Variants in GLG1 observed in about 807,000 individuals in gnomAD.
The protein encoded by GLG1 is golgi glycoprotein 1.
In GLG1, 38 loss-of-function variants were observed where a neutral mutation model predicts 160.5. The ratio of observed to expected loss-of-function variants is 0.24; its 90% CI spans 0.18 to 0.31. GLG1 has a LOEUF of 0.31. Among genes scored for constraint, GLG1 ranks in the 10% least tolerant of loss-of-function variants. GLG1 has a pLI of 1.00. For synonymous variants in GLG1, 644 were observed against 543.4 expected (o/e 1.19, Z -2.57); for missense variants, 1,373 against 1,505.2 (o/e 0.91, Z 1.45).
chr16:74,588,405 T>C (rs978233905), intron 1 of GLG1, among the ~76,000 whole-genome samples: 64 of 152,180 alleles, frequency 4.2e-4, no homozygotes, highest in African/African-American at 1.4e-3. Context: ...ATTTAAGCTT[T>C]TTGGATTTGA....
chr16:74,464,192 TA>T (rs1460232125), intron 19 of GLG1, among the ~76,000 whole-genome samples: 2 of 152,194 alleles, frequency 1.3e-5, no homozygotes, highest in African/African-American at 4.8e-5. Flanking sequence ...AGGGTGATGT[TA>T]AGTTTAATGG....
At chr16:74,521,502 G>A (rs1019574162) in intron 2 of GLG1, among the ~76,000 whole-genome samples, 35 of 152,126 alleles carry the variant, frequency 2.3e-4, no homozygotes, top group Non-Finnish European at 1.0e-4. Flanking sequence ...CTAATGGATT[G>A]AATGTGAAGT....
At chr16:74,498,429 G>A (rs2016277062) in intron 4 of GLG1, among the ~76,000 whole-genome samples, 2 of 4,030 alleles carry the variant, frequency 5.0e-4, no homozygotes, top group Admixed American at 6.8e-3. Flanking sequence ...GCAAGGCTCT[G>A]TCTCAAAAAA....
chr16:74,582,329 G>C (rs1440326855), intron 1 of GLG1, among the ~76,000 whole-genome samples: 1 of 151,946 alleles, frequency 6.6e-6, no homozygotes, highest in Non-Finnish European at 1.5e-5. Flanking sequence ...ACCATGCCCA[G>C]CTAATTTTGT....
chr16:74,560,326 C>CT (rs66983409), intron 1 of GLG1, among the ~76,000 whole-genome samples: 64,410 of 118,382 alleles, frequency 0.54, 19,115 homozygotes, highest in East Asian at 0.8. Context: ...CAGTTTTTGT[C>CT]TTTTTTTTTT....
intron 10 of GLG1, among the ~76,000 whole-genome samples, chr16:74,482,466 G>T (rs2015637166): frequency 6.6e-6 from 1 of 152,116 alleles, no homozygotes. Flanking sequence ...GACAGCCAAT[G>T]AACTCAGTGA....
chr16:74,481,543 T>C (rs898418873), intron 10 of GLG1, among the ~76,000 whole-genome samples: 4 of 152,144 alleles, frequency 2.6e-5, no homozygotes, highest in Non-Finnish European at 4.4e-5. Context: ...CAGTAGACTA[T>C]TTAGGTTGAG....
At chr16:74,546,856 A>AAAAAAAG (rs59909472) in intron 1 of GLG1, among the ~76,000 whole-genome samples, 1 of 147,466 alleles carries the variant, frequency 6.8e-6, no homozygotes, top group African/African-American at 2.5e-5. Context: ...AAAAAAAAAA[A>AAAAAAAG]GGATCCCTGA....
At chr16:74,508,586 G>C (rs1864874162) in intron 3 of GLG1, among the ~76,000 whole-genome samples, 1 of 152,102 alleles carries the variant, frequency 6.6e-6, no homozygotes. Context: ...TGATACCTCA[G>C]CACTTTTACT....
chr16:74,489,781 A>C (rs1246691019), intron 8 of GLG1, among the ~76,000 whole-genome samples: 1 of 152,206 alleles, frequency 6.6e-6, no homozygotes, highest in Non-Finnish European at 1.5e-5. Flanking sequence ...GCACACACAC[A>C]CACAGACACA....
chr16:74,456,238 C>T (rs1225506570), intron 25 of GLG1, among the ~76,000 whole-genome samples: 3 of 152,208 alleles, frequency 2.0e-5, no homozygotes, highest in Non-Finnish European at 2.9e-5. Flanking sequence ...GAAAGGAGGG[C>T]CCTGGCAAAG....
intron 24 of GLG1, among the ~76,000 whole-genome samples, chr16:74,457,037 A>C (rs2014575484): frequency 6.6e-6 from 1 of 152,214 alleles, no homozygotes; most frequent in Non-Finnish European, 1.5e-5. Context: ...AAGCTGAGGC[A>C]GGAGGATCCC....
intron 1 of GLG1, among the ~76,000 whole-genome samples, chr16:74,578,502 C>T (rs1957865309): frequency 6.6e-6 from 1 of 152,156 alleles, no homozygotes. Flanking sequence ...ACAGCTTACA[C>T]ATTCTATTTA....
At chr16:74,493,838 G>A (rs887592064) in intron 6 of GLG1, among the ~76,000 whole-genome samples, 1 of 152,106 alleles carries the variant, frequency 6.6e-6, no homozygotes, top group Non-Finnish European at 1.5e-5. Flanking sequence ...GCTGGCCTTA[G>A]TGTGGTTTTA....
chr16:74,588,501 C>A (rs60422797), intron 1 of GLG1, among the ~76,000 whole-genome samples: 2 of 152,016 alleles, frequency 1.3e-5, no homozygotes, highest in African/African-American at 4.8e-5. Flanking sequence ...GCCACTGCAG[C>A]CTCGACTTCC....
intron 1 of GLG1, among the ~76,000 whole-genome samples, chr16:74,575,032 A>C (rs550386613): frequency 1.2e-5 from 1 of 83,104 alleles, no homozygotes; most frequent in South Asian, 5.2e-4. Context: ...GCGGATCACG[A>C]GGTCAAGAGT....
intron 19 of GLG1, among the ~76,000 whole-genome samples, chr16:74,464,370 G>A (rs1349713360): frequency 6.6e-6 from 1 of 152,176 alleles, no homozygotes; most frequent in African/African-American, 2.4e-5. Flanking sequence ...CTTAATTACA[G>A]GGCTATAATC....
intron 11 of GLG1, 124 bp downstream of exon 11, chr16:74,480,117 A>G: frequency 1.3e-6 from 1 of 755,282 alleles, no homozygotes; most frequent in South Asian, 1.6e-5. Flanking sequence ...AAGTGCAGCA[A>G]TCTTCTCCCC....
intron 1 of GLG1, among the ~76,000 whole-genome samples, chr16:74,575,619 G>C (rs112685216): frequency 1.3e-5 from 2 of 152,066 alleles, no homozygotes; most frequent in South Asian, 2.1e-4. Flanking sequence ...GTTTTTTTGA[G>C]ACAGAGTCTC....
Sources: gnomAD v4.1 joint callset for allele counts (sites outside exome capture counted in the v4.1 genomes callset) on GRCh38, gnomAD v4.1.1 for gene constraint, MANE v1.5 for transcripts, NCBI Gene and HGNC (gene_info 2026-07-23, HGNC 2026-07-21) for gene names.